Variants in LPP observed in about 807,000 individuals in gnomAD.
LPP encodes lipoma-preferred partner.
A neutral mutation model predicts 60.4 loss-of-function variants in LPP; 38 were observed. The observed-to-expected ratio is 0.63, with a 90% CI of 0.49 to 0.83. The LOEUF is 0.83. Ranked by LOEUF, LPP falls within the 40% of genes least tolerant of loss-of-function variation. LPP has a pLI of 0.00. For synonymous variants in LPP, 328 were observed against 290.8 expected (o/e 1.13, Z -1.30); for missense variants, 902 against 783.6 (o/e 1.15, Z -1.80).
chr3:188,469,075 T>C (rs1560444568), intron 4 of LPP, among the ~76,000 whole-genome samples: 1 of 152,166 alleles, frequency 6.6e-6, no homozygotes, highest in African/African-American at 2.4e-5. Flanking sequence ...ATTGACTTTT[T>C]TATGGAGGGC....
At chr3:188,440,029 T>G (rs1428735607) in intron 4 of LPP, among the ~76,000 whole-genome samples, 1 of 152,262 alleles carries the variant, frequency 6.6e-6, no homozygotes, top group Non-Finnish European at 1.5e-5. Context: ...CTCGTGGTAC[T>G]TAAATTTTTG....
At chr3:188,689,495 A>G (rs1278055308) in intron 7 of LPP, among the ~76,000 whole-genome samples, 1 of 152,210 alleles carries the variant, frequency 6.6e-6, no homozygotes, top group Non-Finnish European at 1.5e-5. Flanking sequence ...GTTAACCACT[A>G]TTCTACTCTC....
chr3:188,289,487 A>AT (rs1340616719), intron 2 of LPP, among the ~76,000 whole-genome samples: 1 of 152,108 alleles, frequency 6.6e-6, no homozygotes, highest in Non-Finnish European at 1.5e-5. Flanking sequence ...ATCTCATGTA[A>AT]TTTTTTAACA....
Position 188,716,117 on chromosome 3 carries a change from C to T in LPP, c.1240+7724C>T, listed in dbSNP as rs987160287. On this transcript the variant is annotated intron_variant, in intron 8 of 11. Transcript: ENST00000617246. ...AGAACTTAGCATTTATCTAAGGAAA[C>T]TTTTTGTTCATCTCTGAGTATTGTT... Among the ~76,000 whole-genome samples the T allele has an allele frequency of 3.3e-5, 5 of 152,258 alleles. No individual in the cohort carries two copies. The South Asian group carries it at 1.0e-3, about 32-fold the overall frequency.
intron 7 of LPP, among the ~76,000 whole-genome samples, chr3:188,692,665 G>T (rs1862382890): frequency 6.6e-6 from 1 of 152,162 alleles, no homozygotes; most frequent in African/African-American, 2.4e-5. Context: ...CTTCTAGAGG[G>T]CAAGACCTAC....
At chr3:188,422,197 A>G (rs1331371666) in intron 4 of LPP, among the ~76,000 whole-genome samples, 2 of 152,176 alleles carry the variant, frequency 1.3e-5, no homozygotes, top group Non-Finnish European at 2.9e-5. Flanking sequence ...TTGTGCCAAC[A>G]TTATTACCAA....
intron 9 of LPP, 79 bp downstream of exon 9, chr3:188,760,361 T>A: frequency 6.9e-7 from 1 of 1,456,160 alleles, no homozygotes; most frequent in Non-Finnish European, 9.6e-7. Flanking sequence ...AGATAGAATA[T>A]AGCCATCAGA....
intron 7 of LPP, among the ~76,000 whole-genome samples, chr3:188,679,199 G>A (rs1858843748): frequency 1.3e-5 from 2 of 152,152 alleles, no homozygotes; most frequent in Admixed American, 1.3e-4. Context: ...AACTGCATAG[G>A]CACCTTGGAT....
intron 6 of LPP, among the ~76,000 whole-genome samples, chr3:188,582,907 G>A (rs926364714): frequency 5.3e-5 from 8 of 152,038 alleles, no homozygotes; most frequent in South Asian, 2.1e-4. Context: ...TTTCTGCTGC[G>A]GTACGTGATT....
chr3:188,321,671 C>T (rs566886463), intron 2 of LPP, among the ~76,000 whole-genome samples: 1 of 152,166 alleles, frequency 6.6e-6, no homozygotes, highest in East Asian at 1.9e-4. Context: ...AAAATCACAA[C>T]ATTTTGTGCT....
rs62292688 is a variant in LPP, at chr3:188,825,247, T to C, written c.1411-40953T>C. On this transcript the variant is annotated intron_variant, in intron 9 of 11. Transcript: ENST00000617246. ...TAGGTGCAGTAGTCCCAGCCTTTCT[T>C]TCTCTCTCTCTCTCTCTCTCTCTGT... Among the ~76,000 whole-genome samples the C allele has an allele frequency of 6.2e-4, 73 of 118,508 alleles. 1 individual carries two copies. The highest frequency in any genetic ancestry group is 9.9e-4 in the Non-Finnish European group (58 of 58,498). 77.7% of individuals were successfully genotyped at this position (118,508 alleles called of 152,430 possible).
rs533376644 is a variant in LPP, at chr3:188,342,206, C to A, written c.-10+487C>A. ...CTCTCTCTTAGCTGCCAAACAAAATCATCTCAAAAAGCTAGAATCCAAAGC... is the reference window on the plus strand; with the variant it reads ...CTCTCTCTTAGCTGCCAAACAAAATAATCTCAAAAAGCTAGAATCCAAAGC... On this transcript the variant is annotated intron_variant, in intron 3 of 11. Coordinates refer to ENST00000617246, the MANE Select transcript of LPP (RefSeq NM_001375462.1). Among the ~76,000 whole-genome samples the A allele has an allele frequency of 9.2e-5, 14 of 152,256 alleles. 1 individual carries two copies. In the South Asian group the frequency reaches 2.5e-3, roughly 27 times the overall value.
intron 5 of LPP, among the ~76,000 whole-genome samples, chr3:188,519,125 A>G (rs7641041): frequency 0.77 from 117,562 of 152,050 alleles, 45,861 homozygotes; most frequent in East Asian, 0.97. Context: ...GTGCCCCAAA[A>G]TATCACCTCA....
intron 5 of LPP, among the ~76,000 whole-genome samples, chr3:188,518,993 G>T (rs954201911): frequency 2.6e-5 from 4 of 152,018 alleles, no homozygotes; most frequent in African/African-American, 9.7e-5. Flanking sequence ...TATTAGGCAA[G>T]ATATGTTTAT....
Position 188,874,861 on chromosome 3 carries a change from A to T in LPP, c.*382A>T, listed in dbSNP as rs1191867768. ...TTTTCCTGGGTGAGTCTGCCAACTCACAGGTGCTTTTAGGCTTGAAATCTC... is the reference window on the plus strand; with the variant it reads ...TTTTCCTGGGTGAGTCTGCCAACTCTCAGGTGCTTTTAGGCTTGAAATCTC... On this transcript the variant is annotated 3_prime_UTR_variant, in exon 12 of 12. Transcript: ENST00000617246. 4.1e-6 allele frequency: 1 copy of T among 242,852 alleles called. No homozygotes were observed. The highest frequency in any genetic ancestry group is 2.2e-5 in the African/African-American group (1 of 45,658). 15.0% of individuals were successfully genotyped at this position (242,852 alleles called of 1,614,324 possible).
intron 6 of LPP, among the ~76,000 whole-genome samples, chr3:188,532,661 T>G (rs1822508778): frequency 6.6e-6 from 1 of 152,228 alleles, no homozygotes; most frequent in Non-Finnish European, 1.5e-5. Context: ...TGTGAACCTG[T>G]CCATGTTACC....
intron 7 of LPP, among the ~76,000 whole-genome samples, chr3:188,694,728 A>G (rs184913063): frequency 8.5e-5 from 13 of 152,204 alleles, no homozygotes; most frequent in East Asian, 5.8e-4. Flanking sequence ...AAACTAAAAA[A>G]CAACCATGTC....
At chr3:188,514,143 G>A (rs917363549) in intron 5 of LPP, among the ~76,000 whole-genome samples, 2 of 152,144 alleles carry the variant, frequency 1.3e-5, no homozygotes, top group Admixed American at 6.5e-5. Flanking sequence ...TTATCTTAAG[G>A]ATGGATCTGA....
Position 188,677,646 on chromosome 3 carries a change from C to T in LPP, c.1114-30621C>T, listed in dbSNP as rs139313444. Among the ~76,000 whole-genome samples, 238 of 152,220 alleles carry T rather than the reference C, an allele frequency of 1.6e-3. 2 individuals carry two copies. Among genetic ancestry groups the T allele is most frequent in the African/African-American group, 5.4e-3 (224 of 41,540 alleles). Reference sequence around the variant, plus strand: ...GGGAAATGGGAGAGGGGGAGGGAAGCGTTCCATGAGCTGCTCTGTCATTTG... The same window carrying T: ...GGGAAATGGGAGAGGGGGAGGGAAGTGTTCCATGAGCTGCTCTGTCATTTG... On this transcript the variant is annotated intron_variant, in intron 7 of 11. Coordinates refer to ENST00000617246, the MANE Select transcript of LPP (RefSeq NM_001375462.1).
Sources: gnomAD v4.1 joint callset for allele counts (sites outside exome capture counted in the v4.1 genomes callset) on GRCh38, gnomAD v4.1.1 for gene constraint, MANE v1.5 for transcripts, NCBI Gene and HGNC (gene_info 2026-07-23, HGNC 2026-07-21) for gene names.